The following ELAVL2 variants were observed in gnomAD, a reference collection of about 807,000 sequenced individuals.
ELAVL2 encodes the protein ELAV-like protein 2.
ELAVL2 carries 4 observed loss-of-function variants against 34.6 expected under a neutral mutation model. The observed-to-expected ratio is 0.12, with a 90% CI of 0.06 to 0.26. The LOEUF (loss-of-function observed/expected upper bound fraction) is 0.26, where lower values mean the gene tolerates loss of function less well. Among genes scored for constraint, ELAVL2 ranks in the 10% least tolerant of loss-of-function variants. The pLI, the probability that ELAVL2 is intolerant of heterozygous loss-of-function variation, is 1.00. For synonymous variants in ELAVL2, 193 were observed against 154.8 expected (o/e 1.25, Z -1.83); for missense variants, 432 against 442.8 (o/e 0.98, Z 0.22).
chr9:23,749,003 T>C (rs1235286853), intron 2 of ELAVL2, among the ~76,000 whole-genome samples: 1 of 152,068 alleles, frequency 6.6e-6, no homozygotes, highest in Non-Finnish European at 1.5e-5. Context: ...GAGTTACTGT[T>C]TGATGGTTAC....
the ELAVL2 span, among the ~76,000 whole-genome samples, chr9:23,838,648 G>C: frequency 6.6e-6 from 1 of 151,950 alleles, no homozygotes; most frequent in Non-Finnish European, 1.5e-5. Context: ...CTGACTATCT[G>C]TATTATGGCC....
chr9:23,705,275 G>A (rs918948305), intron 3 of ELAVL2, among the ~76,000 whole-genome samples: 2 of 152,110 alleles, frequency 1.3e-5, no homozygotes, highest in Non-Finnish European at 2.9e-5. Context: ...TCCCCTAGGT[G>A]GACAGGGAAG....
chr9:23,726,679 A>G (rs2045264198), intron 3 of ELAVL2, among the ~76,000 whole-genome samples: 1 of 152,106 alleles, frequency 6.6e-6, no homozygotes, highest in South Asian at 2.1e-4. Context: ...CTTTATGCAG[A>G]GGAGGGAGGA....
At chr9:23,706,402 T>C (rs1051851567) in intron 3 of ELAVL2, among the ~76,000 whole-genome samples, 5 of 152,192 alleles carry the variant, frequency 3.3e-5, no homozygotes, top group Non-Finnish European at 5.9e-5. Context: ...TAATACCCCA[T>C]TGATCATGCA....
chr9:23,801,334 T>C (rs2061542541), intron 1 of ELAVL2, among the ~76,000 whole-genome samples: 1 of 152,208 alleles, frequency 6.6e-6, no homozygotes. Flanking sequence ...TTTTTAAAGC[T>C]ACAAGGGATT....
intron 1 of ELAVL2, among the ~76,000 whole-genome samples, chr9:23,798,372 C>T (rs1024983972): frequency 6.6e-6 from 1 of 152,112 alleles, no homozygotes; most frequent in Non-Finnish European, 1.5e-5. Flanking sequence ...CCAGCTCTGT[C>T]ATTTACTGCA....
intron 1 of ELAVL2, among the ~76,000 whole-genome samples, chr9:23,796,788 A>C (rs1215966259): frequency 6.7e-6 from 1 of 149,590 alleles, no homozygotes; most frequent in African/African-American, 2.6e-5. Flanking sequence ...AGATATCCTG[A>C]GAACAATTGC....
At chr9:23,698,634 A>G (rs2036098576) in intron 5 of ELAVL2, among the ~76,000 whole-genome samples, 1 of 152,224 alleles carries the variant, frequency 6.6e-6, no homozygotes, top group African/African-American at 2.4e-5. Context: ...TAAAACACAA[A>G]TATCAGGGAC....
rs147910866 is a variant in ELAVL2, at chr9:23,768,319, A to ACC, written c.-15-6072_-15-6071dup. Among the ~76,000 whole-genome samples, 34 of 151,948 alleles carry ACC rather than the reference A, an allele frequency of 2.2e-4. No individual in the cohort carries two copies. The East Asian group carries it at 5.2e-3, about 23-fold the overall frequency. ...CTTATTCAAGGCTCCATCCAAACCC[A>ACC]CCCCATCTCCATTTCAGGGGTTTGT... On this transcript the variant is annotated intron_variant, in intron 1 of 6. Transcript: ENST00000397312.
chr9:23,740,397 G>C (rs2048882559), intron 2 of ELAVL2, among the ~76,000 whole-genome samples: 1 of 152,148 alleles, frequency 6.6e-6, no homozygotes, highest in Admixed American at 6.5e-5. Flanking sequence ...TAGCTCAAAG[G>C]AGCAGCTGGG....
intron 1 of ELAVL2, among the ~76,000 whole-genome samples, chr9:23,794,548 T>G (rs1019970586): frequency 2.0e-5 from 3 of 152,234 alleles, no homozygotes; most frequent in Non-Finnish European, 4.4e-5. Flanking sequence ...AATTCAAGGC[T>G]GAATAAGATA....
At chr9:23,810,737 G>A (rs2062865095) in intron 1 of ELAVL2, among the ~76,000 whole-genome samples, 1 of 152,096 alleles carries the variant, frequency 6.6e-6, no homozygotes, top group African/African-American at 2.4e-5. Flanking sequence ...CAAACCACCT[G>A]ACCTCTGAGC....
intron 1 of ELAVL2, among the ~76,000 whole-genome samples, chr9:23,804,317 T>C (rs906844139): frequency 6.6e-6 from 1 of 152,066 alleles, no homozygotes; most frequent in African/African-American, 2.4e-5. Context: ...AATCTACACC[T>C]GAGAGGTTAA....
At chr9:23,817,097 T>A (rs906245468) in intron 1 of ELAVL2, among the ~76,000 whole-genome samples, 3 of 152,098 alleles carry the variant, frequency 2.0e-5, no homozygotes, top group Non-Finnish European at 2.9e-5. Context: ...TAAGTATAAT[T>A]TTAAATTTGT....
At chr9:23,793,916 AAC>A (rs148724245) in intron 1 of ELAVL2, among the ~76,000 whole-genome samples, 5,043 of 152,194 alleles carry the variant, frequency 0.033, 282 homozygotes, top group African/African-American at 0.11. Flanking sequence ...CCCCTTTAAA[AAC>A]AGTCCTCCAA....
chr9:23,759,582 T>C (rs998199788), intron 2 of ELAVL2, among the ~76,000 whole-genome samples: 7 of 151,492 alleles, frequency 4.6e-5, no homozygotes, highest in Admixed American at 6.6e-5. Context: ...TTATGAATGT[T>C]TGAGATTTGG....
chr9:23,814,471 G>C (rs1439136021), intron 1 of ELAVL2, among the ~76,000 whole-genome samples: 1 of 152,166 alleles, frequency 6.6e-6, no homozygotes, highest in Non-Finnish European at 1.5e-5. Flanking sequence ...CAAATTCCTT[G>C]CGGAGACTAT....
At chr9:23,734,621 C>A (rs537372489) in intron 2 of ELAVL2, among the ~76,000 whole-genome samples, 1 of 152,256 alleles carries the variant, frequency 6.6e-6, no homozygotes, top group Admixed American at 6.5e-5. Context: ...ACACTTTTAC[C>A]GCAAAAGTTG....
chr9:23,832,480 T>C, the ELAVL2 span, among the ~76,000 whole-genome samples: 3 of 152,330 alleles, frequency 2.0e-5, no homozygotes, highest in Non-Finnish European at 4.4e-5. Flanking sequence ...TTTTCACAAA[T>C]ATTTAATATA....
Sources: allele counts gnomAD v4.1 joint callset (sites outside exome capture counted in the v4.1 genomes callset), GRCh38; gene constraint gnomAD v4.1.1; transcripts MANE v1.5; gene names NCBI Gene and HGNC (gene_info 2026-07-23, HGNC 2026-07-21).